The following ABAT variants were observed in gnomAD, a reference collection of about 807,000 sequenced individuals.
ABAT encodes the protein 4-aminobutyrate aminotransferase, mitochondrial.
A neutral mutation model predicts 64.6 loss-of-function variants in ABAT; 45 were observed. The observed-to-expected ratio is 0.70, with a 90% CI of 0.55 to 0.89. The LOEUF (loss-of-function observed/expected upper bound fraction) is 0.89. Among genes scored for constraint, ABAT ranks in the 40% least tolerant of loss-of-function variants. The pLI is 0.00. For synonymous variants in ABAT, 297 were observed against 250.5 expected, an observed-to-expected ratio of 1.19 and a Z score of -1.75; for missense variants, 633 against 658.4, an observed-to-expected ratio of 0.96 and a Z score of 0.42.
At position 8,735,846 on chromosome 16, in the gene ABAT, T is replaced by C. The variant is rs750983247; in HGVS notation, c.70+37T>C. ...GGGTCTTGATAAGAACTGGTACTAA[T>C]GGAAGATACCATCCAGACTAGGGAT... On this transcript the variant is annotated intron_variant, in intron 2 of 15. Transcript: ENST00000268251. 29 of 1,547,550 alleles carry C rather than the reference T, an allele frequency of 1.9e-5. No individual in the cohort carries two copies. In the South Asian group the frequency reaches 2.7e-4, roughly 14 times the overall value.
chr16:8,702,073 C>G (rs2057836136), intron 1 of ABAT, among the ~76,000 whole-genome samples: 1 of 152,144 alleles, frequency 6.6e-6, no homozygotes, highest in Non-Finnish European at 1.5e-5. Flanking sequence ...AAAGAAATAA[C>G]TGAGACTGGA....
At chr16:8,703,048 C>T (rs188368869) in intron 1 of ABAT, among the ~76,000 whole-genome samples, 1 of 152,084 alleles carries the variant, frequency 6.6e-6, no homozygotes, top group Admixed American at 6.6e-5. Flanking sequence ...AGTTGACGAA[C>T]ACCTCTCTAC....
At chr16:8,763,954 C>A in intron 6 of ABAT, 115 bp from the exon 7 acceptor site, 1 of 871,192 alleles carries the variant, frequency 1.1e-6, no homozygotes. Context: ...ACGTCATCAT[C>A]CTGCAACCCC....
intron 1 of ABAT, chr16:8,721,076 C>G (rs919703496): frequency 6.6e-6 from 1 of 152,212 alleles, no homozygotes; most frequent in African/African-American, 2.4e-5. Context: ...ATTGCTATTA[C>G]TCCCATTTTA....
At chr16:8,723,344 CA>C (rs778854805) in intron 1 of ABAT, among the ~76,000 whole-genome samples, 70 of 152,190 alleles carry the variant, frequency 4.6e-4, no homozygotes, top group Non-Finnish European at 6.9e-4. Context: ...TGTGCACCAG[CA>C]GGGATATACT....
chr16:8,685,642 C>G (rs2057437620), intron 1 of ABAT, among the ~76,000 whole-genome samples: 1 of 152,154 alleles, frequency 6.6e-6, no homozygotes, highest in African/African-American at 2.4e-5. Context: ...CGCCACTGCA[C>G]TCCAGCCTGG....
rs182612740 is a variant in ABAT, at chr16:8,755,677, G to A, written c.317-2080G>A. Among the ~76,000 whole-genome samples, 26 of 152,258 alleles carry A rather than the reference G, an allele frequency of 1.7e-4. No homozygotes were observed. In the East Asian group the frequency reaches 2.9e-3, roughly 17 times the overall value. ...TGTAATCCTAGCACTTTGGAAGGCC[G>A]AGGTGGGTGGATCACTTGAGGGCAG... is the stretch of plus-strand genomic sequence containing the variant. On this transcript the variant is annotated intron_variant, in intron 5 of 15. Transcript: ENST00000268251.
At chr16:8,710,694 CAGAGAGAGAGAG>C (rs558327984) in intron 1 of ABAT, among the ~76,000 whole-genome samples, 7 of 121,946 alleles carry the variant, frequency 5.7e-5, no homozygotes, top group South Asian at 3.0e-4. Context: ...GAGAGAGAGA[CAGAGAGAGAGAG>C]AGAGAGAGAG....
chr16:8,732,824 G>A (rs1297666641), intron 1 of ABAT, among the ~76,000 whole-genome samples: 5 of 148,160 alleles, frequency 3.4e-5, no homozygotes, highest in African/African-American at 7.6e-5. Context: ...CTCACCTCCC[G>A]GACGGGGCGG....
intron 6 of ABAT, chr16:8,760,028 T>C (rs957194559): frequency 1.3e-5 from 2 of 152,266 alleles, no homozygotes; most frequent in African/African-American, 4.8e-5. Flanking sequence ...CTACTGTCCG[T>C]GGGTATTTGC....
Position 8,779,493 on chromosome 16 carries a change from G to A in ABAT, c.1284G>A (p.Gln428=). ...GLLDLQARYP[Q]FISRVRGRGT... ...TCCCACTACAGGCCCGGTACCCCCA[G>A]TTCATCAGCAGGGTGAGAGGACGAG... is the stretch of plus-strand genomic sequence containing the variant. Residue 428 remains glutamine, a synonymous_variant, in exon 15 of 16, where the codon CAG becomes CAA. Transcript: ENST00000268251. 6.2e-7 allele frequency: 1 copy of A among 1,614,158 alleles called. No individual in the cohort carries two copies. Among genetic ancestry groups the A allele is most frequent in the Non-Finnish European group, 8.5e-7 (1 of 1,180,028 alleles).
chr16:8,781,803 C>G lies in ABAT; in HGVS notation c.*373C>G. On this transcript the variant is annotated 3_prime_UTR_variant, in exon 16 of 16. Transcript: ENST00000268251. The surrounding 1 kb of genome is among the most constrained non-coding windows in gnomAD (Gnocchi z 4.5). ...TTGTTCCTGGGACTGGCAGCTGGGC[C>G]TCCTGGGTGCCAGTCCATCTCAAGT... is the stretch of plus-strand genomic sequence containing the variant. 2.8e-6 allele frequency: 1 copy of G among 362,600 alleles called. No individual in the cohort carries two copies. Among genetic ancestry groups the G allele is most frequent in the South Asian group, 2.2e-5 (1 of 44,576 alleles). The allele number at this position is 362,600 out of a possible 1,614,324, so 22.5% of individuals were successfully genotyped here. A position where few individuals can be genotyped will look rare whatever the true frequency, so the allele number is the denominator to read the frequency against.
chr16:8,696,849 C>T (rs1214396212), intron 1 of ABAT, among the ~76,000 whole-genome samples: 1 of 152,188 alleles, frequency 6.6e-6, no homozygotes, highest in Non-Finnish European at 1.5e-5. Flanking sequence ...GTGGAGGAAG[C>T]TCCTCAGGTT....
At chr16:8,762,596 A>G (rs1301835243) in intron 6 of ABAT, among the ~76,000 whole-genome samples, 2 of 152,144 alleles carry the variant, frequency 1.3e-5, no homozygotes, top group South Asian at 2.1e-4. Context: ...AATGTCCCAG[A>G]TATCTTCTGT....
At chr16:8,726,078 CG>C (rs1474069963) in intron 1 of ABAT, among the ~76,000 whole-genome samples, 4 of 151,948 alleles carry the variant, frequency 2.6e-5, no homozygotes, top group African/African-American at 9.7e-5. Flanking sequence ...CCATTCAACC[CG>C]CCACTACCCT....
At chr16:8,710,727 A>AGAGAGAGAGGAGAGGGAGAGGGAGG (rs146344975) in intron 1 of ABAT, among the ~76,000 whole-genome samples, 2 of 103,700 alleles carry the variant, frequency 1.9e-5, no homozygotes, top group African/African-American at 6.3e-5. Flanking sequence ...AGAGAGAGAG[A>AGAGAGAGAGGAGAGGGAGAGGGAGG]GAGGAAATAG....
chr16:8,783,791 G>C lies in ABAT; in HGVS notation c.*2361G>C, dbSNP rs988565539. On this transcript the variant is annotated 3_prime_UTR_variant, in exon 16 of 16. Transcript: ENST00000268251. Reference sequence around the variant, plus strand: ...AAAGTGGCTCTCTTTGGTAGGGAGAGGGGCTCCAATATTTCGTTCTCTCCC... The same window carrying C: ...AAAGTGGCTCTCTTTGGTAGGGAGACGGGCTCCAATATTTCGTTCTCTCCC... 1 of 152,246 alleles carries C rather than the reference G, an allele frequency of 6.6e-6. No individual in the cohort carries two copies. Among genetic ancestry groups the C allele is most frequent in the African/African-American group, 2.4e-5 (1 of 41,550 alleles). 9.4% of individuals were successfully genotyped at this position (152,246 alleles called of 1,614,324 possible).
chr16:8,726,004 C>A (rs1404614207), intron 1 of ABAT, among the ~76,000 whole-genome samples: 3 of 152,046 alleles, frequency 2.0e-5, no homozygotes, highest in Non-Finnish European at 4.4e-5. Context: ...TCCCTGGGAG[C>A]CTGCCTAAAC....
At chr16:8,709,485 T>G (rs1253010813) in intron 1 of ABAT, among the ~76,000 whole-genome samples, 1 of 152,142 alleles carries the variant, frequency 6.6e-6, no homozygotes, top group Non-Finnish European at 1.5e-5. Context: ...GCGATTCTCC[T>G]GCTTCAACCT....
Sources: allele counts gnomAD v4.1 joint callset (sites outside exome capture counted in the v4.1 genomes callset), GRCh38; gene constraint gnomAD v4.1.1; non-coding constraint Gnocchi (gnomAD v3.1); transcripts MANE v1.5; gene names NCBI Gene and HGNC (gene_info 2026-07-23, HGNC 2026-07-21).